The following PUS10 variants were observed in gnomAD, a reference collection of about 807,000 sequenced individuals.
PUS10 encodes tRNA pseudouridine synthase Pus10.
A neutral mutation model predicts 75.0 loss-of-function variants in PUS10; 59 were observed. The observed-to-expected ratio is 0.79, with a 90% CI of 0.64 to 0.98. The LOEUF (loss-of-function observed/expected upper bound fraction) is 0.98, where lower values mean the gene tolerates loss of function less well. PUS10 is among the 50% of genes least tolerant of loss of function. The pLI is 0.00. For missense variants in PUS10, 650 were observed against 614.4 expected (o/e 1.06, Z -0.61); for synonymous variants, 219 against 211.6 (o/e 1.03, Z -0.30).
chr2:60,948,022 G>A (rs368592446), intron 16 of PUS10, 21 bp downstream of exon 16: 27 of 1,613,844 alleles, frequency 1.7e-5, no homozygotes, highest in Admixed American at 8.3e-5. Flanking sequence ...GATGGCGGCA[G>A]TGCAGCAGGT....
At chr2:60,987,002 C>A (rs1258340263) in intron 4 of PUS10, among the ~76,000 whole-genome samples, 1 of 152,192 alleles carries the variant, frequency 6.6e-6, no homozygotes, top group African/African-American at 2.4e-5. Flanking sequence ...TCTTCTGACT[C>A]TCTGTTCAGT....
chr2:60,965,058 C>T lies in PUS10; in HGVS notation c.723G>A (p.Gln241=). ...CTAAGAAGCGGGAACCTTTCCTTACCTGTTTGTTTTTGGCTGGCTTAAAAC... is the reference window on the plus strand; with the variant it reads ...CTAAGAAGCGGGAACCTTTCCTTACTTGTTTGTTTTTGGCTGGCTTAAAAC... The part of the protein sequence containing the change: ...PDCFKPAKNK[Q]SVFTRMAVMK... Residue 241 remains glutamine (Q), a splice_region_variant and synonymous_variant, in exon 8 of 18, where the codon CAG becomes CAA. Coordinates refer to ENST00000316752, the MANE Select transcript of PUS10 (RefSeq NM_144709.4). The T allele has an allele frequency of 6.2e-7, 1 of 1,613,550 alleles. No individual in the cohort carries two copies. The highest frequency in any genetic ancestry group is 8.5e-7 in the Non-Finnish European group (1 of 1,179,610).
At chr2:60,977,201 G>A (rs1474843368) in intron 4 of PUS10, among the ~76,000 whole-genome samples, 1 of 151,944 alleles carries the variant, frequency 6.6e-6, no homozygotes, top group Non-Finnish European at 1.5e-5. Context: ...AATGAGAGTG[G>A]GTGACAGTAG....
chr2:60,956,234 T>C (rs1675643722), intron 11 of PUS10, among the ~76,000 whole-genome samples: 1 of 152,218 alleles, frequency 6.6e-6, no homozygotes, highest in Non-Finnish European at 1.5e-5. Context: ...AAGTTACTAA[T>C]AAATCCATAG....
chr2:60,944,952 G>T (rs906716357), intron 17 of PUS10, 57 bp downstream of exon 17: 2 of 1,276,434 alleles, frequency 1.6e-6, no homozygotes, highest in East Asian at 4.6e-5. Flanking sequence ...ATGCCAAAGA[G>T]CATAACTTTG....
At chr2:61,011,670 G>T in intron 2 of PUS10, 95 bp downstream of exon 2, 4 of 868,014 alleles carry the variant, frequency 4.6e-6, no homozygotes, top group Non-Finnish European at 6.5e-6. Flanking sequence ...AAAGAGTTAT[G>T]AATAGATACC....
chr2:60,950,375 T>TAC (rs1238219576), intron 15 of PUS10, among the ~76,000 whole-genome samples: 3 of 152,226 alleles, frequency 2.0e-5, no homozygotes, highest in Non-Finnish European at 4.4e-5. Flanking sequence ...GGCACATATG[T>TAC]ACATACTAAC....
intron 4 of PUS10, among the ~76,000 whole-genome samples, chr2:60,989,477 C>T (rs1420536932): frequency 2.0e-5 from 3 of 152,114 alleles, no homozygotes; most frequent in African/African-American, 4.8e-5. Context: ...AGGCCCCACC[C>T]GTTTTTGGAC....
chr2:60,964,050 G>T (rs187296952), intron 8 of PUS10, among the ~76,000 whole-genome samples: 8 of 152,318 alleles, frequency 5.3e-5, no homozygotes, highest in Admixed American at 2.0e-4. Context: ...CAGAAGGGTT[G>T]CTGGGCAGGG....
At chr2:60,943,036 G>GA (rs1163561504) in intron 17 of PUS10, among the ~76,000 whole-genome samples, 1,085 of 78,364 alleles carry the variant, frequency 0.014, 17 homozygotes, top group Middle Eastern at 0.028. Context: ...ATCTATCTCA[G>GA]AAAAAAAAAA....
intron 16 of PUS10, among the ~76,000 whole-genome samples, chr2:60,946,158 G>A (rs962389603): frequency 3.3e-5 from 5 of 152,016 alleles, no homozygotes; most frequent in Non-Finnish European, 5.9e-5. Context: ...CCCCTTCTGC[G>A]TAGCAATGAT....
chr2:60,976,529 G>T (rs1292651225), intron 4 of PUS10, among the ~76,000 whole-genome samples: 1 of 152,214 alleles, frequency 6.6e-6, no homozygotes, highest in Non-Finnish European at 1.5e-5. Context: ...TAATTATAAA[G>T]TAGGGCGGAA....
rs747492491 is a variant in PUS10 at position 60,960,373 on chromosome 2, T to C, written c.1000+19A>G. ...AAAAAAAAAAAAAGAAAGAAAAGTATGAAGATCGTAACACTTACTCTCTGC... is the reference window on the plus strand; with the variant it reads ...AAAAAAAAAAAAAGAAAGAAAAGTACGAAGATCGTAACACTTACTCTCTGC... On this transcript the variant is annotated intron_variant, in intron 11 of 17. Coordinates refer to ENST00000316752, the MANE Select transcript of PUS10 (RefSeq NM_144709.4). 1.4e-6 allele frequency: 2 copies of C among 1,481,468 alleles called. No homozygotes were observed. Among genetic ancestry groups the C allele is most frequent in the African/African-American group, 3.0e-5 (2 of 67,500 alleles). The allele number at this position is 1,481,468 out of a possible 1,614,324, so 91.8% of individuals were successfully genotyped here. A position where few individuals can be genotyped will look rare whatever the true frequency, so the allele number is the denominator to read the frequency against.
At chr2:60,972,376 A>T (rs1676743390) in intron 4 of PUS10, among the ~76,000 whole-genome samples, 1 of 151,760 alleles carries the variant, frequency 6.6e-6, no homozygotes, top group Non-Finnish European at 1.5e-5. Context: ...AGGCTGAGGC[A>T]GGATAATGGC....
chr2:61,008,260 A>T (rs990412166), intron 3 of PUS10, among the ~76,000 whole-genome samples: 2 of 151,986 alleles, frequency 1.3e-5, no homozygotes, highest in African/African-American at 2.4e-5. Flanking sequence ...ACAGTGGCTC[A>T]TGTCTGTAAT....
chr2:60,947,846 A>G (rs558569082), intron 16 of PUS10, among the ~76,000 whole-genome samples, 197 bp downstream of exon 16: 155 of 151,072 alleles, frequency 1.0e-3, no homozygotes, highest in East Asian at 1.5e-3. Context: ...AAAAAAAAAA[A>G]AAAAGAAAAG....
At chr2:60,982,049 C>T (rs1677427745) in intron 4 of PUS10, among the ~76,000 whole-genome samples, 1 of 151,448 alleles carries the variant, frequency 6.6e-6, no homozygotes, top group Non-Finnish European at 1.5e-5. Flanking sequence ...ACAGATTGAC[C>T]AATAACTTTT....
intron 3 of PUS10, among the ~76,000 whole-genome samples, chr2:61,008,097 C>A (rs1042694534): frequency 6.6e-6 from 1 of 151,424 alleles, no homozygotes; most frequent in African/African-American, 2.4e-5. Flanking sequence ...AAAAAGAATT[C>A]TTGGCCTTGG....
intron 17 of PUS10, chr2:60,944,241 G>C (rs1042758118): frequency 1.0e-6 from 1 of 984,500 alleles, no homozygotes; most frequent in Non-Finnish European, 1.2e-6. Context: ...ATCACTGGCT[G>C]TACTGCAGGA....
Sources: gnomAD v4.1 joint callset for allele counts (sites outside exome capture counted in the v4.1 genomes callset) on GRCh38, gnomAD v4.1.1 for gene constraint, MANE v1.5 for transcripts, NCBI Gene and HGNC (gene_info 2026-07-23, HGNC 2026-07-21) for gene names.